Variants in SLC39A9 observed in about 807,000 individuals in gnomAD.
SLC39A9 encodes the protein zinc transporter ZIP9.
In SLC39A9, 14 loss-of-function variants were observed where a neutral mutation model predicts 28.4. The observed-to-expected ratio is 0.49, with a 90% CI of 0.33 to 0.77. The LOEUF (loss-of-function observed/expected upper bound fraction) is 0.77. Among genes scored for constraint, SLC39A9 ranks in the 30% least tolerant of loss-of-function variants. The pLI, the probability that SLC39A9 is intolerant of heterozygous loss-of-function variation, is 0.02. For synonymous variants in SLC39A9, 119 were observed against 149.6 expected (o/e 0.80, Z 1.49); for missense variants, 283 against 381.1 (o/e 0.74, Z 2.14).
In SLC39A9 at chr14:69,459,157, A is replaced by C; in HGVS notation, c.*564A>C. ...TTAGGGTCAGGAAAATGATAGCAAGACACATTGAAAGCTCTCTTTATACTC... is the reference window on the plus strand; with the variant it reads ...TTAGGGTCAGGAAAATGATAGCAAGCCACATTGAAAGCTCTCTTTATACTC... On this transcript the variant is annotated 3_prime_UTR_variant, in exon 7 of 7. Coordinates refer to ENST00000336643, the MANE Select transcript of SLC39A9 (RefSeq NM_018375.5). 1 of 985,978 alleles carries C rather than the reference A, an allele frequency of 1.0e-6. No individual in the cohort carries two copies. Among genetic ancestry groups the C allele is most frequent in the Non-Finnish European group, 1.2e-6 (1 of 830,146 alleles). 61.1% of individuals were successfully genotyped at this position (985,978 alleles called of 1,614,324 possible). A position where few individuals can be genotyped will look rare whatever the true frequency, so the allele number is the denominator to read the frequency against.
chr14:69,416,243 T>C (rs1883574871), intron 1 of SLC39A9, among the ~76,000 whole-genome samples: 1 of 152,158 alleles, frequency 6.6e-6, no homozygotes, highest in African/African-American at 2.4e-5. Context: ...GTCTTTCCGA[T>C]AGTTTGCTCA....
rs887810497 is a variant in SLC39A9 at position 69,460,709 on chromosome 14, G to C, written c.*2116G>C. The C allele has an allele frequency of 2.0e-6, 2 of 985,346 alleles. No homozygotes were observed. The highest frequency in any genetic ancestry group is 3.5e-5 in the African/African-American group (2 of 57,246). 61.0% of individuals were successfully genotyped at this position (985,346 alleles called of 1,614,324 possible). ...GGAGCCTTGAACTCCGGCAAGGATTGAACCATCTGACTTCCAAATTTGCCT... is the reference window on the plus strand; with the variant it reads ...GGAGCCTTGAACTCCGGCAAGGATTCAACCATCTGACTTCCAAATTTGCCT... On this transcript the variant is annotated 3_prime_UTR_variant, in exon 7 of 7. Transcript: ENST00000336643.
intron 2 of SLC39A9, among the ~76,000 whole-genome samples, chr14:69,434,103 C>T (rs543726709): frequency 1.4e-4 from 19 of 138,420 alleles, no homozygotes; most frequent in African/African-American, 1.6e-4. Flanking sequence ...TTTTTTTGCG[C>T]GACAGAGTCT....
chr14:69,434,424 G>A (rs891206544), intron 2 of SLC39A9, among the ~76,000 whole-genome samples: 12 of 150,180 alleles, frequency 8.0e-5, no homozygotes, highest in African/African-American at 1.9e-4. Flanking sequence ...GGTGGCTCAC[G>A]CCTGTAATCC....
At chr14:69,444,182 T>A (rs1483765553) in intron 3 of SLC39A9, among the ~76,000 whole-genome samples, 1 of 151,730 alleles carries the variant, frequency 6.6e-6, no homozygotes, top group Non-Finnish European at 1.5e-5. Context: ...GAGAACAAGA[T>A]CCCATCTCAA....
At position 69,452,387 on chromosome 14, in the gene SLC39A9, T is replaced by C. The variant is rs1035556437; in HGVS notation, c.404-854T>C. On this transcript the variant is annotated intron_variant, in intron 3 of 6. Coordinates refer to ENST00000336643, the MANE Select transcript of SLC39A9 (RefSeq NM_018375.5). Reference sequence around the variant, plus strand: ...TCTTGTTGCCCAGGCTGGAGGGCAATGGCACAATCTCGGCTCATTGCAACT... The same window carrying C: ...TCTTGTTGCCCAGGCTGGAGGGCAACGGCACAATCTCGGCTCATTGCAACT... 2.0e-5 allele frequency among the ~76,000 whole-genome samples: 3 copies of C among 152,208 alleles called. No homozygotes were observed. The South Asian group carries it at 6.2e-4, about 31-fold the overall frequency.
At chr14:69,436,607 G>A (rs913163302) in intron 2 of SLC39A9, among the ~76,000 whole-genome samples, 15 of 152,150 alleles carry the variant, frequency 9.9e-5, no homozygotes, top group African/African-American at 3.6e-4. Context: ...AGTTTTCAAA[G>A]CCTTTACAAT....
chr14:69,411,026 A>G (rs1312891139), intron 1 of SLC39A9, among the ~76,000 whole-genome samples: 1 of 152,118 alleles, frequency 6.6e-6, no homozygotes, highest in Non-Finnish European at 1.5e-5. Context: ...TGCCTGGTCA[A>G]CATGGTGAAA....
chr14:69,445,170 T>C (rs1885233293), intron 3 of SLC39A9, among the ~76,000 whole-genome samples: 1 of 152,138 alleles, frequency 6.6e-6, no homozygotes, highest in Non-Finnish European at 1.5e-5. Flanking sequence ...TTGAACTGTG[T>C]GAGTCCATTT....
intron 2 of SLC39A9, among the ~76,000 whole-genome samples, chr14:69,438,111 T>C (rs1358648042): frequency 6.7e-6 from 1 of 149,490 alleles, no homozygotes; most frequent in African/African-American, 2.5e-5. Flanking sequence ...AACCACCGCC[T>C]CCTGGGTTGA....
chr14:69,455,850 A>G lies in SLC39A9; in HGVS notation c.677A>G (p.Tyr226Cys). ...GCACCAGTTATGTCCATGGTGACAT[A>G]CTTAGGACTGAGTAAGGTAAGCTAA... ...LAAPVMSMVTYLGLSKSSKEA... is the reference protein window; with the variant it reads ...LAAPVMSMVTCLGLSKSSKEA... The change falls in exon 6 of 7, where the codon TAC becomes TGC. Residue 226 changes from tyrosine (Y) to cysteine (C), a missense_variant. Coordinates refer to ENST00000336643, the MANE Select transcript of SLC39A9 (RefSeq NM_018375.5). 6.2e-7 allele frequency: 1 copy of G among 1,614,188 alleles called. No individual in the cohort carries two copies. The highest frequency in any genetic ancestry group is 1.1e-5 in the South Asian group (1 of 91,084).
rs1382477412 is a variant in SLC39A9 at position 69,461,775 on chromosome 14, G to A, written c.*3182G>A. 2 of 1,530,806 alleles carry A rather than the reference G, an allele frequency of 1.3e-6. No homozygotes were observed. Among genetic ancestry groups the A allele is most frequent in the Non-Finnish European group, 8.7e-7 (1 of 1,143,556 alleles). 94.8% of individuals were successfully genotyped at this position (1,530,806 alleles called of 1,614,324 possible). On this transcript the variant is annotated 3_prime_UTR_variant, in exon 7 of 7. Transcript: ENST00000336643. ...CATGGTAGCTAGGGACTGAACACAG[G>A]AACCGTATGACAGCAGCACAAACCC...
At chr14:69,450,801 G>A (rs986850849) in intron 3 of SLC39A9, among the ~76,000 whole-genome samples, 85 of 152,084 alleles carry the variant, frequency 5.6e-4, no homozygotes, top group African/African-American at 2.0e-3. Context: ...ATGTGTGGGC[G>A]CAGTAGTAGC....
intron 1 of SLC39A9, among the ~76,000 whole-genome samples, chr14:69,411,923 C>T (rs1047968130): frequency 2.6e-5 from 4 of 151,706 alleles, no homozygotes; most frequent in Non-Finnish European, 5.9e-5. Flanking sequence ...GCTGGGACTA[C>T]AGGCACATGC....
intron 3 of SLC39A9, among the ~76,000 whole-genome samples, chr14:69,445,933 A>G (rs1885273088): frequency 6.6e-6 from 1 of 152,236 alleles, no homozygotes; most frequent in Non-Finnish European, 1.5e-5. Flanking sequence ...AACAAAAACT[A>G]ATTCAAGTAA....
intron 3 of SLC39A9, among the ~76,000 whole-genome samples, chr14:69,448,107 C>T (rs531388929): frequency 1.2e-4 from 17 of 144,066 alleles, no homozygotes; most frequent in African/African-American, 4.1e-4. Context: ...CCCAGCTACT[C>T]GGGAGGCTGA....
chr14:69,453,252 G>T lies in SLC39A9; in HGVS notation c.415G>T (p.Ala139Ser), dbSNP rs1334389387. The part of the protein sequence containing the change: ...HVHSTDDPEA[A>S]RSSNSKITTT... ...CATTTTCACTTTAGATCCAGAAGCA[G>T]CAAGGTCTAGCAATTCCAAAATCAC... Residue 139 changes from alanine to serine, a missense_variant, in exon 4 of 7, where the codon GCA becomes TCA. By Grantham distance (99) the Ala-to-Ser change is moderately conservative. Coordinates refer to ENST00000336643, the MANE Select transcript of SLC39A9 (RefSeq NM_018375.5). 1 of 1,613,864 alleles carries T rather than the reference G, an allele frequency of 6.2e-7. No homozygotes were observed. The highest frequency in any genetic ancestry group is 8.5e-7 in the Non-Finnish European group (1 of 1,179,792).
Position 69,460,388 on chromosome 14 carries a change from C to G in SLC39A9, c.*1795C>G. On this transcript the variant is annotated 3_prime_UTR_variant, in exon 7 of 7. Transcript: ENST00000336643. ...GCAACAATTGCATACAATTTTACTA[C>G]CAAGAGAAGGTATAGTATGGAAAGT... 1 of 985,432 alleles carries G rather than the reference C, an allele frequency of 1.0e-6. No homozygotes were observed. Among genetic ancestry groups the G allele is most frequent in the Non-Finnish European group, 1.2e-6 (1 of 829,934 alleles). 61.0% of individuals were successfully genotyped at this position (985,432 alleles called of 1,614,324 possible).
At chr14:69,453,108 G>A (rs1170452779) in intron 3 of SLC39A9, 133 bp from the exon 4 acceptor site, 23 of 653,430 alleles carry the variant, frequency 3.5e-5, no homozygotes, top group African/African-American at 1.3e-4. Flanking sequence ...AGGGTGAGGC[G>A]GGCGGATCAT....
Sources: gnomAD v4.1 joint callset for allele counts (sites outside exome capture counted in the v4.1 genomes callset) on GRCh38, gnomAD v4.1.1 for gene constraint, MANE v1.5 for transcripts, NCBI Gene and HGNC (gene_info 2026-07-23, HGNC 2026-07-21) for gene names.